The following SLIT2 variants were observed in gnomAD, a reference collection of about 807,000 sequenced individuals.
SLIT2 encodes the protein slit homolog 2 protein.
SLIT2 carries 41 observed loss-of-function variants against 185.7 expected under a neutral mutation model. That is an observed-to-expected ratio of 0.22 (90% confidence interval 0.17 to 0.29). The LOEUF is 0.29. SLIT2 is among the 10% of genes least tolerant of loss of function. The pLI is 1.00. For synonymous variants in SLIT2, 693 were observed against 680.2 expected, an observed-to-expected ratio of 1.02 and a Z score of -0.29; for missense variants, 1,571 against 1,909.0, an observed-to-expected ratio of 0.82 and a Z score of 3.30.
intron 4 of SLIT2, among the ~76,000 whole-genome samples, chr4:20,295,537 C>T (rs1560292436): frequency 6.6e-6 from 1 of 152,118 alleles, no homozygotes; most frequent in South Asian, 2.1e-4. Flanking sequence ...GGCAGATGAC[C>T]GTCAGCTCTC....
chr4:20,614,588 A>G (rs1729497494), intron 34 of SLIT2, among the ~76,000 whole-genome samples: 1 of 151,228 alleles, frequency 6.6e-6, no homozygotes, highest in Admixed American at 6.6e-5. Context: ...GACCAGCCTG[A>G]CCAATATGGA....
At chr4:20,429,907 G>A (rs542314070) in intron 4 of SLIT2, among the ~76,000 whole-genome samples, 3 of 152,274 alleles carry the variant, frequency 2.0e-5, no homozygotes, top group African/African-American at 7.2e-5. Flanking sequence ...TGCTGGCAGA[G>A]GACATCAGTG....
intron 4 of SLIT2, among the ~76,000 whole-genome samples, chr4:20,454,568 T>G (rs766993668): frequency 3.9e-5 from 6 of 152,136 alleles, no homozygotes; most frequent in African/African-American, 1.4e-4. Flanking sequence ...AAGTACAGAT[T>G]TATGATATTT....
At chr4:20,305,872 A>AAATAATAAT (rs56164214) in intron 4 of SLIT2, among the ~76,000 whole-genome samples, 79 of 136,478 alleles carry the variant, frequency 5.8e-4, no homozygotes, top group Admixed American at 1.2e-3. Context: ...GACTGTCTCA[A>AAATAATAAT]AATAATAATA....
At chr4:20,324,264 G>A (rs1244013606) in intron 4 of SLIT2, among the ~76,000 whole-genome samples, 1 of 151,378 alleles carries the variant, frequency 6.6e-6, no homozygotes, top group Admixed American at 6.6e-5. Flanking sequence ...TTGAGACAAT[G>A]TATTGGTGAG....
chr4:20,260,208 TAGTC>T (rs933532889), intron 3 of SLIT2, among the ~76,000 whole-genome samples: 2 of 151,864 alleles, frequency 1.3e-5, no homozygotes, highest in African/African-American at 4.8e-5. Flanking sequence ...ATCTTTATTT[TAGTC>T]AGTGTCATTA....
intron 4 of SLIT2, among the ~76,000 whole-genome samples, chr4:20,391,949 G>A (rs1197076026): frequency 4.6e-5 from 7 of 152,040 alleles, no homozygotes; most frequent in South Asian, 4.1e-4. Flanking sequence ...GATTCTCAAC[G>A]ATACCAGAGA....
At chr4:20,434,447 C>G (rs1244573511) in intron 4 of SLIT2, among the ~76,000 whole-genome samples, 1 of 152,086 alleles carries the variant, frequency 6.6e-6, no homozygotes, top group Non-Finnish European at 1.5e-5. Context: ...GATCGCACCA[C>G]TGCACCTCCA....
At chr4:20,519,055 C>T (rs949388938) in intron 11 of SLIT2, among the ~76,000 whole-genome samples, 1 of 152,056 alleles carries the variant, frequency 6.6e-6, no homozygotes, top group Admixed American at 6.5e-5. Flanking sequence ...ATAGTGTGCT[C>T]TCATTACATA....
chr4:20,572,549 A>G (rs1343101932), intron 29 of SLIT2, among the ~76,000 whole-genome samples: 2 of 152,220 alleles, frequency 1.3e-5, no homozygotes, highest in Non-Finnish European at 2.9e-5. Context: ...CTGAAATAAC[A>G]TAAACCTAAC....
At chr4:20,450,394 A>G (rs1024845039) in intron 4 of SLIT2, among the ~76,000 whole-genome samples, 1 of 152,180 alleles carries the variant, frequency 6.6e-6, no homozygotes, top group African/African-American at 2.4e-5. Context: ...GTCACATTAT[A>G]GATATTTGCA....
At chr4:20,257,537 T>C (rs1405385874) in intron 2 of SLIT2, among the ~76,000 whole-genome samples, 2 of 152,044 alleles carry the variant, frequency 1.3e-5, no homozygotes, top group Non-Finnish European at 2.9e-5. Flanking sequence ...ATTCTTTGGT[T>C]AAGTTGAAAA....
chr4:20,252,841 C>A lies in SLIT2; in HGVS notation c.-975C>A, dbSNP rs1560254219. On this transcript the variant is annotated 5_prime_UTR_variant, in exon 1 of 37. Coordinates refer to ENST00000504154, the MANE Select transcript of SLIT2 (RefSeq NM_004787.4). ...CAACCTTGGCCTTTGCCTTTCCACT[C>A]CTTCCGGTCTGCCTGGTTTTTAAGT... Among the ~76,000 whole-genome samples, 1 of 152,328 alleles carries A rather than the reference C, an allele frequency of 6.6e-6. No homozygotes were observed. Among genetic ancestry groups the A allele is most frequent in the Non-Finnish European group, 1.5e-5 (1 of 68,036 alleles).
intron 11 of SLIT2, among the ~76,000 whole-genome samples, chr4:20,515,962 C>T (rs1166393694): frequency 2.0e-5 from 3 of 152,094 alleles, no homozygotes; most frequent in African/African-American, 7.2e-5. Flanking sequence ...ATTACAGGCG[C>T]CTGCTACCAC....
At chr4:20,259,640 C>G (rs182523251) in intron 3 of SLIT2, among the ~76,000 whole-genome samples, 3 of 151,804 alleles carry the variant, frequency 2.0e-5, no homozygotes, top group Admixed American at 1.3e-4. Context: ...ACTTATTAAC[C>G]AGATGCTATA....
intron 4 of SLIT2, among the ~76,000 whole-genome samples, chr4:20,338,749 A>G (rs1454118558): frequency 1.3e-5 from 2 of 152,144 alleles, no homozygotes; most frequent in African/African-American, 4.8e-5. Flanking sequence ...ATCTCTTCTT[A>G]TGAGAACAAA....
intron 35 of SLIT2, 41 bp downstream of exon 35, chr4:20,617,239 G>T: frequency 7.8e-7 from 1 of 1,280,884 alleles, no homozygotes; most frequent in Non-Finnish European, 1.0e-6. Context: ...ACACCTGAAA[G>T]CCTCAAAGCC....
At chr4:20,518,239 G>GTGTA (rs777543992) in intron 11 of SLIT2, among the ~76,000 whole-genome samples, 8,404 of 85,186 alleles carry the variant, frequency 0.099, 569 homozygotes, top group Middle Eastern at 0.13. Context: ...ATGTGTGTGT[G>GTGTA]TATATATATA....
At chr4:20,432,802 AAAAT>A (rs1388521928) in intron 4 of SLIT2, among the ~76,000 whole-genome samples, 2 of 152,238 alleles carry the variant, frequency 1.3e-5, no homozygotes, top group Non-Finnish European at 2.9e-5. Context: ...TTTAATTGCA[AAAAT>A]AAATCTTGAA....
Sources: gnomAD v4.1 joint callset for allele counts (sites outside exome capture counted in the v4.1 genomes callset) on GRCh38, gnomAD v4.1.1 for gene constraint, MANE v1.5 for transcripts, NCBI Gene and HGNC (gene_info 2026-07-23, HGNC 2026-07-21) for gene names.